The following GOPC variants were observed in gnomAD, a reference collection of about 807,000 sequenced individuals.
GOPC encodes the protein golgi associated PDZ and coiled-coil motif containing.
GOPC carries 32 observed loss-of-function variants against 51.2 expected under a neutral mutation model. The observed-to-expected ratio is 0.63, with a 90% CI of 0.47 to 0.84. GOPC has a LOEUF of 0.84. Ranked by LOEUF, GOPC falls within the 40% of genes least tolerant of loss-of-function variation. GOPC has a pLI of 0.00. For synonymous variants in GOPC, 190 were observed against 205.1 expected, an observed-to-expected ratio of 0.93 and a Z score of 0.63; for missense variants, 441 against 555.5, an observed-to-expected ratio of 0.79 and a Z score of 2.07.
intron 1 of GOPC, among the ~76,000 whole-genome samples, chr6:117,591,592 G>T (rs1318029909): frequency 1.3e-5 from 2 of 152,174 alleles, no homozygotes; most frequent in Non-Finnish European, 2.9e-5. Context: ...ATGAGTGTGT[G>T]TTTGATACTG....
At chr6:117,575,424 A>G in intron 3 of GOPC, 72 bp from the exon 4 acceptor site, 1 of 1,103,206 alleles carries the variant, frequency 9.1e-7, no homozygotes, top group Non-Finnish European at 1.4e-6. Context: ...GTTCCTGAAA[A>G]TGCACAAAAG....
chr6:117,567,085 A>T (rs568234258), intron 7 of GOPC, 51 bp from the exon 8 acceptor site: 3 of 1,396,056 alleles, frequency 2.1e-6, no homozygotes, highest in Non-Finnish European at 2.9e-6. Flanking sequence ...ATTGTAATTT[A>T]AAAAGGATTT....
intron 1 of GOPC, among the ~76,000 whole-genome samples, chr6:117,594,123 A>G (rs747932162): frequency 6.6e-6 from 1 of 152,162 alleles, no homozygotes; most frequent in African/African-American, 2.4e-5. Flanking sequence ...GCATGGCCAT[A>G]AAGTCATGTA....
At chr6:117,598,878 T>A (rs1033755188) in intron 1 of GOPC, among the ~76,000 whole-genome samples, 1 of 152,212 alleles carries the variant, frequency 6.6e-6, no homozygotes, top group East Asian at 1.9e-4. Context: ...TTAATGTATA[T>A]TTTCAAACAG....
At chr6:117,575,568 T>C (rs371167285) in intron 3 of GOPC, 54 of 729,248 alleles carry the variant, frequency 7.4e-5, no homozygotes, top group Middle Eastern at 7.3e-4. Flanking sequence ...TACCCTGATA[T>C]GGAGTATAGT....
intron 4 of GOPC, among the ~76,000 whole-genome samples, chr6:117,574,311 ATT>A (rs1779847706): frequency 1.3e-5 from 2 of 152,084 alleles, no homozygotes; most frequent in Non-Finnish European, 2.9e-5. Flanking sequence ...GATATAAATT[ATT>A]TTTTCTTTGT....
chr6:117,577,459 C>A lies in GOPC; in HGVS notation c.463G>T (p.Val155Leu). The A allele has an allele frequency of 6.2e-7, 1 of 1,604,880 alleles. No individual in the cohort carries two copies. Among genetic ancestry groups the A allele is most frequent in the Non-Finnish European group, 8.5e-7 (1 of 1,175,836 alleles). The change falls in exon 3 of 9, where the codon GTG becomes TTG. Residue 155 changes from valine to leucine, a missense_variant. Physicochemically the swap from Val to Leu is conservative, Grantham distance 32. Coordinates refer to ENST00000368498, the MANE Select transcript of GOPC (RefSeq NM_020399.4). ...TIKAKLSGPSVEELERELEAN... is the reference protein window; with the variant it reads ...TIKAKLSGPSLEELERELEAN... ...AACAATATACTTACCAGCTCCTCCA[C>A]AGAGGGGCCAGACTTCAGATATAAG...
intron 2 of GOPC, among the ~76,000 whole-genome samples, chr6:117,578,131 T>C (rs1779909055): frequency 6.6e-6 from 1 of 152,054 alleles, no homozygotes; most frequent in Non-Finnish European, 1.5e-5. Context: ...GCTTACAATA[T>C]ATTAAGAGCA....
intron 8 of GOPC, among the ~76,000 whole-genome samples, chr6:117,565,922 T>C (rs1201529022): frequency 6.6e-6 from 1 of 152,188 alleles, no homozygotes; most frequent in Non-Finnish European, 1.5e-5. Flanking sequence ...TTGTTCAGTG[T>C]GCAGAGTAAG....
rs773141529 is a variant in GOPC at position 117,602,077 on chromosome 6, G to C, written c.212C>G (p.Thr71Ser). 1 of 1,614,156 alleles carries C rather than the reference G, an allele frequency of 6.2e-7. No homozygotes were observed. Among genetic ancestry groups the C allele is most frequent in the Non-Finnish European group, 8.5e-7 (1 of 1,180,020 alleles). Residue 71 changes from threonine (T) to serine (S), a missense_variant, in exon 1 of 9, where the codon ACC becomes AGC. Thr to Ser is a moderately conservative substitution (Grantham distance 58). This residue lies in a region of GOPC where 204 missense variants were observed against 219.8 expected (regional missense o/e 0.93). Coordinates refer to ENST00000368498, the MANE Select transcript of GOPC (RefSeq NM_020399.4). ...DITYEGRQKM[T>S]SLSSCFAQLC... ...CTGTGCAAAGCAGGAGCTCAGGCTG[G>C]TCATCTTCTGTCGCCCCTCATAAGT...
At chr6:117,591,663 T>C (rs1780118813) in intron 1 of GOPC, among the ~76,000 whole-genome samples, 1 of 152,088 alleles carries the variant, frequency 6.6e-6, no homozygotes, top group African/African-American at 2.4e-5. Flanking sequence ...ACAGGTGCCA[T>C]AAAAGAGCAA....
At position 117,561,172 on chromosome 6, in the gene GOPC, A is replaced by C. The variant is rs1306256225; in HGVS notation, c.*2082T>G. ...AAACTACCTGGAAACTTTTCATTCTATTTATCAGTCCTTAAAAGGAATTTA... is the reference window on the plus strand; with the variant it reads ...AAACTACCTGGAAACTTTTCATTCTCTTTATCAGTCCTTAAAAGGAATTTA... On this transcript the variant is annotated 3_prime_UTR_variant, in exon 9 of 9. Transcript: ENST00000368498. The C allele has an allele frequency of 1.3e-5, 3 of 224,032 alleles. No homozygotes were observed. Among genetic ancestry groups the C allele is most frequent in the Non-Finnish European group, 2.7e-5 (3 of 112,352 alleles). The allele number at this position is 224,032 out of a possible 1,614,324, so 13.9% of individuals were successfully genotyped here.
chr6:117,585,516 A>G (rs1419969148), intron 1 of GOPC, among the ~76,000 whole-genome samples: 1 of 152,176 alleles, frequency 6.6e-6, no homozygotes, highest in African/African-American at 2.4e-5. Flanking sequence ...AACCTAAAAC[A>G]TCTTTATTTT....
At chr6:117,587,499 T>TAATA (rs1317435140) in intron 1 of GOPC, among the ~76,000 whole-genome samples, 2 of 151,228 alleles carry the variant, frequency 1.3e-5, no homozygotes, top group African/African-American at 4.9e-5. Flanking sequence ...CCCCAAACAG[T>TAATA]AATAAATAAA....
intron 1 of GOPC, among the ~76,000 whole-genome samples, chr6:117,579,714 T>C (rs1356626375): frequency 6.6e-6 from 1 of 152,106 alleles, no homozygotes; most frequent in Non-Finnish European, 1.5e-5. Context: ...GTGCACAGGA[T>C]GTGTCCCTTG....
intron 1 of GOPC, among the ~76,000 whole-genome samples, chr6:117,588,191 ATATTAT>A (rs1361717944): frequency 1.3e-5 from 2 of 152,072 alleles, no homozygotes; most frequent in Non-Finnish European, 2.9e-5. Context: ...TAATTTATAA[ATATTAT>A]TATTATAAAC....
At position 117,566,113 on chromosome 6, in the gene GOPC, T is replaced by A. The variant is rs570506694; in HGVS notation, c.1258+741A>T. Among the ~76,000 whole-genome samples, 3 of 152,308 alleles carry A rather than the reference T, an allele frequency of 2.0e-5. 1 individual carries two copies. Among genetic ancestry groups the A allele is most frequent in the South Asian group, 4.1e-4 (2 of 4,824 alleles). On this transcript the variant is annotated intron_variant, in intron 8 of 8. Transcript: ENST00000368498. ...AAGAAAACAATGATTACTAGTACAG[T>A]TACTAGTATTAGCAACACTGCCTTG...
intron 5 of GOPC, among the ~76,000 whole-genome samples, chr6:117,572,010 A>C (rs1779814362): frequency 6.6e-6 from 1 of 152,160 alleles, no homozygotes; most frequent in Non-Finnish European, 1.5e-5. Context: ...ATATACTTGG[A>C]ACAGGCTTAA....
intron 2 of GOPC, among the ~76,000 whole-genome samples, 174 bp downstream of exon 2, chr6:117,578,722 TTATC>T (rs1234147676): frequency 3.7e-4 from 57 of 152,226 alleles, no homozygotes; most frequent in African/African-American, 1.3e-3. Context: ...ATATCACTGA[TTATC>T]TATAGGTGAT....
Sources: gnomAD v4.1 joint callset for allele counts (sites outside exome capture counted in the v4.1 genomes callset) on GRCh38, gnomAD v4.1.1 for gene constraint, gnomAD v4.1.1 regional missense constraint, MANE v1.5 for transcripts, NCBI Gene and HGNC (gene_info 2026-07-23, HGNC 2026-07-21) for gene names.